The following VWDE variants were observed in gnomAD, a reference collection of about 807,000 sequenced individuals.
VWDE encodes the protein von Willebrand factor D and EGF domain-containing protein.
In VWDE, 207 loss-of-function variants were observed where a neutral mutation model predicts 178.4. The ratio of observed to expected loss-of-function variants is 1.16; its 90% CI spans 1.04 to 1.30. VWDE has a LOEUF of 1.30. VWDE is among the 50% of genes most tolerant of loss of function. The pLI is 0.00. For synonymous variants in VWDE, 738 were observed against 651.4 expected, an observed-to-expected ratio of 1.13 and a Z score of -2.02; for missense variants, 2,287 against 1,901.3, an observed-to-expected ratio of 1.20 and a Z score of -3.77.
In VWDE at chr7:12,370,194, CA is replaced by C; in HGVS notation, c.2111del (p.Leu704ArgfsTer6). The C allele has an allele frequency of 2.6e-6, 4 of 1,551,176 alleles. No individual in the cohort carries two copies. Among genetic ancestry groups the C allele is most frequent in the Non-Finnish European group, 3.5e-6 (4 of 1,146,844 alleles). On this transcript the variant is annotated frameshift_variant, in exon 12 of 29. Coordinates refer to ENST00000275358, the MANE Select transcript of VWDE (RefSeq NM_001135924.3). LOFTEE classifies it high-confidence loss of function. Reference protein sequence around the residue: ...LFLQEKKHINLTKLGLNVQKH... With the variant: ...LFLQEKKHINXTKLGLNVQKH... ...TTTGTACATTTAAGCCGAGTTTAGT[CA>C]GGTTTATGTGTTTTTTTTCTTGCAG...
chr7:12,395,553 T>C (rs1482790974), intron 1 of VWDE, among the ~76,000 whole-genome samples: 1 of 152,156 alleles, frequency 6.6e-6, no homozygotes, highest in Admixed American at 6.6e-5. Flanking sequence ...AAGAAATCAC[T>C]ACTTGACATC....
intron 17 of VWDE, 62 bp from the exon 18 acceptor site, chr7:12,356,392 C>A: frequency 1.4e-6 from 2 of 1,382,412 alleles, no homozygotes; most frequent in South Asian, 1.3e-5. Context: ...AGTTTATGCC[C>A]CAGAAATCAT....
intron 26 of VWDE, among the ~76,000 whole-genome samples, chr7:12,336,608 C>G (rs1230953780): frequency 6.6e-6 from 1 of 152,152 alleles, no homozygotes; most frequent in African/African-American, 2.4e-5. Flanking sequence ...CCCTCAGGAG[C>G]TAACCAGCCT....
chr7:12,357,254 A>G lies in VWDE; in HGVS notation c.3525+11T>C. The G allele has an allele frequency of 6.5e-7, 1 of 1,549,346 alleles. No individual in the cohort carries two copies. Among genetic ancestry groups the G allele is most frequent in the South Asian group, 1.2e-5 (1 of 83,866 alleles). Reference sequence around the variant, plus strand: ...AGAATCCAGTGGCACTTATGTAATTATAAAGATTACCTCAATCGTGACTCT... The same window carrying G: ...AGAATCCAGTGGCACTTATGTAATTGTAAAGATTACCTCAATCGTGACTCT... On this transcript the variant is annotated intron_variant, in intron 17 of 28. Coordinates refer to ENST00000275358, the MANE Select transcript of VWDE (RefSeq NM_001135924.3).
chr7:12,339,894 T>G (rs978995495), intron 24 of VWDE, among the ~76,000 whole-genome samples: 7 of 152,116 alleles, frequency 4.6e-5, no homozygotes, highest in Non-Finnish European at 8.8e-5. Flanking sequence ...TGCGTAGCGC[T>G]GTGCACAGGT....
chr7:12,401,211 T>C (rs1372671292), intron 1 of VWDE, among the ~76,000 whole-genome samples: 3 of 152,118 alleles, frequency 2.0e-5, no homozygotes, highest in African/African-American at 7.2e-5. Context: ...TAGCTAATTC[T>C]ACCCAGGGGG....
At chr7:12,333,668 ATGCAG>A in intron 27 of VWDE, 100 bp from the exon 28 acceptor site, 1 of 736,012 alleles carries the variant, frequency 1.4e-6, no homozygotes, top group Non-Finnish European at 2.4e-6. Context: ...TTGGACACCA[ATGCAG>A]TCATAAGAAT....
rs972381929 is a variant in VWDE at position 12,361,523 on chromosome 7, T to A, written c.2899-2A>T. 19 of 1,519,112 alleles carry A rather than the reference T, an allele frequency of 1.3e-5. No individual in the cohort carries two copies. In the African/African-American group the frequency reaches 1.3e-4, roughly 10 times the overall value. 94.1% of individuals were successfully genotyped at this position (1,519,112 alleles called of 1,614,324 possible). On this transcript the variant is annotated splice_acceptor_variant, in intron 13 of 28. Coordinates refer to ENST00000275358, the MANE Select transcript of VWDE (RefSeq NM_001135924.3). LOFTEE classifies it high-confidence loss of function. ...AGGCATCCATTCACTGCTATTATAC[T>A]GAAGACATAGTGAGAAAAAAATTAA...
intron 28 of VWDE, among the ~76,000 whole-genome samples, chr7:12,332,155 G>C (rs1780758996): frequency 6.8e-6 from 1 of 146,268 alleles, no homozygotes; most frequent in Non-Finnish European, 1.5e-5. Flanking sequence ...TTTAACCTAT[G>C]TGTGGGAGAC....
chr7:12,357,374 C>G lies in VWDE; in HGVS notation c.3416G>C (p.Ser1139Thr), dbSNP rs748049687. 1.3e-5 allele frequency: 20 copies of G among 1,551,830 alleles called. No individual in the cohort carries two copies. The highest frequency in any genetic ancestry group is 1.7e-5 in the Non-Finnish European group (20 of 1,147,062). The part of the protein sequence containing the change: ...FTLDSGPEGA[S>T]VSSAGLFMWK... Reference sequence around the variant, plus strand: ...CATAAAAAGCCCTGCAGAGGAAACACTTGCCCCTTCAGGACCAGAGTCCAA... The same window carrying G: ...CATAAAAAGCCCTGCAGAGGAAACAGTTGCCCCTTCAGGACCAGAGTCCAA... The change falls in exon 17 of 29, where the codon AGT (serine) becomes ACT (threonine). Residue 1139 changes from serine to threonine, a missense_variant. Physicochemically the swap from Ser to Thr is moderately conservative, Grantham distance 58. Transcript: ENST00000275358.
At chr7:12,345,096 A>G (rs926098540) in intron 19 of VWDE, among the ~76,000 whole-genome samples, 14 of 152,134 alleles carry the variant, frequency 9.2e-5, no homozygotes, top group African/African-American at 3.4e-4. Context: ...GTTGATACAA[A>G]ATGTTTCCAC....
rs1032941167 is a variant in VWDE, at chr7:12,353,002, T to C, written c.3746-1289A>G. ...CTCCTTTCTGAGCTTACATGGATAT[T>C]CCATAGTAACCCTAGTTTCTGTGCA... is the stretch of plus-strand genomic sequence containing the variant. On this transcript the variant is annotated intron_variant, in intron 18 of 28. Transcript: ENST00000275358. 3.9e-5 allele frequency among the ~76,000 whole-genome samples: 6 copies of C among 152,198 alleles called. No homozygotes were observed. The East Asian group carries it at 1.2e-3, about 29-fold the overall frequency.
At chr7:12,381,490 A>C (rs6460943) in intron 4 of VWDE, among the ~76,000 whole-genome samples, 121,938 of 152,014 alleles carry the variant, frequency 0.8, 49,558 homozygotes, top group East Asian at 0.94. Context: ...AATTTTAGGA[A>C]AATCACAAAA....
intron 23 of VWDE, 70 bp from the exon 24 acceptor site, chr7:12,340,487 T>C: frequency 9.8e-7 from 1 of 1,016,654 alleles, no homozygotes; most frequent in Non-Finnish European, 1.5e-6. Flanking sequence ...TGCACAGAAG[T>C]GCAAAATGGT....
chr7:12,337,940 T>C (rs1051081560), intron 24 of VWDE, among the ~76,000 whole-genome samples: 3 of 152,156 alleles, frequency 2.0e-5, no homozygotes, highest in Non-Finnish European at 2.9e-5. Flanking sequence ...CTTCCATATA[T>C]GGAAATTAAA....
At chr7:12,369,410 A>G (rs1203708169) in intron 12 of VWDE, 135 bp downstream of exon 12, 3 of 1,162,222 alleles carry the variant, frequency 2.6e-6, no homozygotes, top group Non-Finnish European at 3.5e-6. Context: ...TAATGTGTTC[A>G]TTAATATGAT....
chr7:12,361,566 A>G (rs1782582600), intron 13 of VWDE, 45 bp from the exon 14 acceptor site: 1 of 1,458,014 alleles, frequency 6.9e-7, no homozygotes, highest in African/African-American at 1.4e-5. Flanking sequence ...TAAATTATGG[A>G]AATATTTTGT....
chr7:12,373,533 C>G (rs1032125065), intron 9 of VWDE, among the ~76,000 whole-genome samples: 2 of 152,050 alleles, frequency 1.3e-5, no homozygotes, highest in Admixed American at 1.3e-4. Context: ...AAATGTCACC[C>G]TCACCAAATG....
chr7:12,336,078 T>TG (rs2128544551), intron 27 of VWDE, 63 bp downstream of exon 27: 1 of 1,402,130 alleles, frequency 7.1e-7, no homozygotes, highest in African/African-American at 1.4e-5. Flanking sequence ...AAAGCTATAC[T>TG]TTAATTATTA....
Sources: allele counts gnomAD v4.1 joint callset (sites outside exome capture counted in the v4.1 genomes callset), GRCh38; gene constraint gnomAD v4.1.1; transcripts MANE v1.5; gene names NCBI Gene and HGNC (gene_info 2026-07-23, HGNC 2026-07-21).